PTPRJ: variants seen among roughly 807,000 people sequenced by gnomAD.
PTPRJ encodes the protein protein tyrosine phosphatase receptor type J.
Under a neutral mutation model 141.3 loss-of-function variants are expected in PTPRJ, and 129 were observed. That is an observed-to-expected ratio of 0.91 (90% confidence interval 0.79 to 1.06). The LOEUF is 1.06. Ranked by LOEUF, PTPRJ falls within the 50% of genes least tolerant of loss-of-function variation. The pLI is 0.00. For synonymous variants in PTPRJ, 610 were observed against 640.5 expected (o/e 0.95, Z 0.72); for missense variants, 1,601 against 1,679.7 (o/e 0.95, Z 0.82).
chr11:48,080,569 A>G (rs1855531804), intron 1 of PTPRJ, among the ~76,000 whole-genome samples: 3 of 152,210 alleles, frequency 2.0e-5, no homozygotes, highest in African/African-American at 4.8e-5. Flanking sequence ...GTTTCTGTTC[A>G]TTCATCAGAT....
intron 1 of PTPRJ, among the ~76,000 whole-genome samples, chr11:48,025,565 G>T (rs186844109): frequency 3.7e-4 from 57 of 152,292 alleles, no homozygotes; most frequent in Admixed American, 3.3e-3. Flanking sequence ...GACATGCAGA[G>T]CAGGCAGAGC....
At chr11:48,063,137 G>T (rs1161409271) in intron 1 of PTPRJ, among the ~76,000 whole-genome samples, 2 of 152,182 alleles carry the variant, frequency 1.3e-5, no homozygotes, top group African/African-American at 4.8e-5. Flanking sequence ...AGACCAGCCT[G>T]GCCAATGTGG....
chr11:48,081,065 T>C (rs999414926), intron 1 of PTPRJ, among the ~76,000 whole-genome samples: 14 of 152,382 alleles, frequency 9.2e-5, no homozygotes, highest in African/African-American at 3.1e-4. Context: ...CTCCTAGGTT[T>C]GGGGTGGGAC....
chr11:48,109,932 G>A, intron 1 of PTPRJ, 126 bp from the exon 2 acceptor site: 2 of 1,049,194 alleles, frequency 1.9e-6, no homozygotes, highest in Non-Finnish European at 2.9e-6. Flanking sequence ...CTGACCAGCA[G>A]ACCTTTGCTT....
chr11:48,030,625 C>T (rs1226367129), intron 1 of PTPRJ, among the ~76,000 whole-genome samples: 1 of 152,178 alleles, frequency 6.6e-6, no homozygotes, highest in East Asian at 1.9e-4. Flanking sequence ...TGCCTGTAAT[C>T]CCAGCTACTA....
chr11:48,080,906 T>C (rs567688125), intron 1 of PTPRJ, among the ~76,000 whole-genome samples: 11 of 152,230 alleles, frequency 7.2e-5, no homozygotes, highest in Non-Finnish European at 1.5e-4. Flanking sequence ...CCAGTGCATA[T>C]TGGGGGCACT....
intron 12 of PTPRJ, 70 bp from the exon 13 acceptor site, chr11:48,144,605 T>TAG: frequency 9.7e-6 from 12 of 1,234,684 alleles, no homozygotes; most frequent in South Asian, 2.5e-5. Flanking sequence ...CACCACCATG[T>TAG]AGATATGCAG....
At chr11:48,130,161 G>T (rs1334052995) in intron 7 of PTPRJ, among the ~76,000 whole-genome samples, 1 of 151,070 alleles carries the variant, frequency 6.6e-6, no homozygotes, top group African/African-American at 2.4e-5. Context: ...GTGTGGCCAA[G>T]GTTCTCCTCC....
At chr11:48,046,912 ATTTTTTT>A (rs1217187387) in intron 1 of PTPRJ, among the ~76,000 whole-genome samples, 1 of 74,168 alleles carries the variant, frequency 1.3e-5, no homozygotes, top group African/African-American at 7.3e-5. Flanking sequence ...ATATATATAT[ATTTTTTT>A]TTTTTTTTTT....
intron 1 of PTPRJ, among the ~76,000 whole-genome samples, chr11:48,101,965 A>G (rs1035988802): frequency 2.0e-5 from 3 of 152,156 alleles, no homozygotes; most frequent in Non-Finnish European, 4.4e-5. Flanking sequence ...TATTGTGCAC[A>G]TTATTCACAC....
intron 1 of PTPRJ, among the ~76,000 whole-genome samples, chr11:48,036,655 A>G (rs1241347114): frequency 3.3e-5 from 5 of 152,192 alleles, no homozygotes; most frequent in Admixed American, 1.3e-4. Context: ...TATATTGGCA[A>G]TTAGCCTAGG....
chr11:47,997,968 G>GTGA (rs1164250274), intron 1 of PTPRJ, among the ~76,000 whole-genome samples: 10 of 152,154 alleles, frequency 6.6e-5, no homozygotes, highest in African/African-American at 2.4e-4. Flanking sequence ...GACTTGAAGG[G>GTGA]TGATGCCAGC....
chr11:48,067,888 C>T (rs1218856986), intron 1 of PTPRJ, among the ~76,000 whole-genome samples: 2 of 152,168 alleles, frequency 1.3e-5, no homozygotes, highest in African/African-American at 4.8e-5. Flanking sequence ...CTCCATAGCC[C>T]TTGGGGACGG....
intron 1 of PTPRJ, among the ~76,000 whole-genome samples, chr11:48,106,197 G>A (rs771063138): frequency 1.3e-4 from 20 of 152,152 alleles, no homozygotes; most frequent in Middle Eastern, 3.4e-3. Flanking sequence ...AAAGGCTCCC[G>A]TTTAAGTCCT....
Position 48,144,808 on chromosome 11 carries a change from A to G in PTPRJ, c.2709A>G (p.Lys903=). The G allele has an allele frequency of 6.2e-7, 1 of 1,614,214 alleles. No individual in the cohort carries two copies. The highest frequency in any genetic ancestry group is 8.5e-7 in the Non-Finnish European group (1 of 1,180,030). The change falls in exon 13 of 25, where the codon AAA becomes AAG. Residue 903 remains lysine, a synonymous_variant. Transcript: ENST00000418331. ...CTCAGAGCTTGTCTGAAGTTTTGAA[A>G]TATGAAATTGACGTTGGGAATGAGT... ...GRSQSLSEVL[K]YEIDVGNEST...
At chr11:48,088,734 G>A (rs954602571) in intron 1 of PTPRJ, among the ~76,000 whole-genome samples, 1 of 152,100 alleles carries the variant, frequency 6.6e-6, no homozygotes, top group African/African-American at 2.4e-5. Context: ...TGGCTCTTAT[G>A]TTCTGCAGGA....
At chr11:48,018,672 G>A (rs937027899) in intron 1 of PTPRJ, among the ~76,000 whole-genome samples, 6 of 152,220 alleles carry the variant, frequency 3.9e-5, no homozygotes, top group Non-Finnish European at 8.8e-5. Context: ...CAGCGAGGGG[G>A]AGGGGCGTCG....
At chr11:48,004,921 T>A (rs1323280019) in intron 1 of PTPRJ, among the ~76,000 whole-genome samples, 1 of 152,160 alleles carries the variant, frequency 6.6e-6, no homozygotes, top group Non-Finnish European at 1.5e-5. Flanking sequence ...TTCATCCATT[T>A]AGAAAGTATA....
chr11:47,994,511 G>A (rs953413149), intron 1 of PTPRJ, among the ~76,000 whole-genome samples: 1 of 151,922 alleles, frequency 6.6e-6, no homozygotes, highest in Non-Finnish European at 1.5e-5. Flanking sequence ...AAAAATTAGT[G>A]GTGGTGCACG....
Sources: allele counts gnomAD v4.1 joint callset (sites outside exome capture counted in the v4.1 genomes callset), GRCh38; gene constraint gnomAD v4.1.1; transcripts MANE v1.5; gene names NCBI Gene and HGNC (gene_info 2026-07-23, HGNC 2026-07-21).